Variants in RNF121 observed in about 807,000 individuals in gnomAD.
RNF121 encodes the protein ring finger protein 121.
A neutral mutation model predicts 46.5 loss-of-function variants in RNF121; 21 were observed. The observed-to-expected ratio is 0.45, with a 90% CI of 0.32 to 0.65. The LOEUF is 0.65. Among genes scored for constraint, RNF121 ranks in the 30% least tolerant of loss-of-function variants. RNF121 has a pLI of 0.04. For missense variants in RNF121, 346 were observed against 416.0 expected (o/e 0.83, Z 1.46); for synonymous variants, 139 against 144.7 (o/e 0.96, Z 0.28).
In RNF121 at chr11:71,929,084, A is replaced by C; in HGVS notation, c.23A>C (p.Glu8Ala). MAAVVEVEVGGGAAGERE... is the reference protein window; with the variant it reads MAAVVEVAVGGGAAGERE... ...AAGATGGCGGCAGTGGTGGAGGTGG[A>C]GGTTGGAGGTGGTGCTGCTGGGGAA... The change falls in exon 1 of 9, where the codon GAG becomes GCG. Residue 8 changes from glutamate (E) to alanine (A), a missense_variant. Physicochemically the swap from Glu to Ala is moderately radical, Grantham distance 107. Coordinates refer to ENST00000361756, the MANE Select transcript of RNF121 (RefSeq NM_018320.5). 6.4e-7 allele frequency: 1 copy of C among 1,551,156 alleles called. No homozygotes were observed. The highest frequency in any genetic ancestry group is 8.7e-7 in the Non-Finnish European group (1 of 1,146,950).
At chr11:71,993,112 T>G (rs1405786937) in intron 6 of RNF121, among the ~76,000 whole-genome samples, 1 of 152,196 alleles carries the variant, frequency 6.6e-6, no homozygotes, top group African/African-American at 2.4e-5. Flanking sequence ...TTATTGACAG[T>G]TTATTAGGTT....
At chr11:71,963,262 G>A (rs1270069357) in intron 3 of RNF121, among the ~76,000 whole-genome samples, 1 of 152,044 alleles carries the variant, frequency 6.6e-6, no homozygotes, top group Non-Finnish European at 1.5e-5. Context: ...TGCTTTTAGT[G>A]TCATATCTAA....
At chr11:71,939,898 CCAT>C (rs1953524993) in intron 1 of RNF121, among the ~76,000 whole-genome samples, 1 of 152,064 alleles carries the variant, frequency 6.6e-6, no homozygotes, top group South Asian at 2.1e-4. Context: ...GGAGAGGAAC[CCAT>C]CAAGTGATAA....
chr11:71,967,881 T>A (rs1417267890), intron 3 of RNF121, among the ~76,000 whole-genome samples: 1 of 152,218 alleles, frequency 6.6e-6, no homozygotes, highest in East Asian at 1.9e-4. Context: ...TATGATATAT[T>A]TGGTACATTT....
chr11:71,931,184 TTTC>T (rs1441995072), intron 1 of RNF121, among the ~76,000 whole-genome samples: 1 of 152,216 alleles, frequency 6.6e-6, no homozygotes, highest in Non-Finnish European at 1.5e-5. Context: ...TTTCTTAGCT[TTTC>T]TTTATTGCTT....
intron 1 of RNF121, among the ~76,000 whole-genome samples, chr11:71,946,898 C>G (rs1216068223): frequency 8.8e-6 from 1 of 114,038 alleles, no homozygotes; most frequent in Non-Finnish European, 1.7e-5. Context: ...GAGACAGTAT[C>G]GCTCTGTCAC....
At chr11:71,954,070 CA>C (rs1953937392) in intron 1 of RNF121, among the ~76,000 whole-genome samples, 1 of 152,162 alleles carries the variant, frequency 6.6e-6, no homozygotes, top group South Asian at 2.1e-4. Flanking sequence ...GCTCATGAAT[CA>C]GTAAGTATCC....
At chr11:71,934,757 A>C (rs7106748) in intron 1 of RNF121, among the ~76,000 whole-genome samples, 134,980 of 151,946 alleles carry the variant, frequency 0.89, 60,208 homozygotes, top group Non-Finnish European at 0.94. Context: ...CAGTGGGTTC[A>C]TATTCTAGAC....
intron 1 of RNF121, chr11:71,939,159 C>T (rs989639416): frequency 4.5e-5 from 7 of 155,954 alleles, no homozygotes; most frequent in Non-Finnish European, 1.0e-4. Flanking sequence ...CCACCTTGGA[C>T]TCCCAAAGTG....
At chr11:71,954,183 G>A (rs1953939487) in intron 1 of RNF121, among the ~76,000 whole-genome samples, 1 of 152,182 alleles carries the variant, frequency 6.6e-6, no homozygotes, top group African/African-American at 2.4e-5. Context: ...CTTAATGAGG[G>A]AGCAAATGAA....
intron 1 of RNF121, among the ~76,000 whole-genome samples, chr11:71,941,268 G>C (rs1427877860): frequency 6.6e-6 from 1 of 152,236 alleles, no homozygotes; most frequent in African/African-American, 2.4e-5. Flanking sequence ...CAGTAGGGTA[G>C]AGAGAAGTGA....
intron 3 of RNF121, among the ~76,000 whole-genome samples, chr11:71,963,509 A>C (rs541639303): frequency 6.6e-6 from 1 of 152,216 alleles, no homozygotes; most frequent in Admixed American, 6.5e-5. Flanking sequence ...AATCCCAGCT[A>C]CTCGGAAGGC....
intron 5 of RNF121, among the ~76,000 whole-genome samples, chr11:71,989,824 A>G (rs1954833227): frequency 6.6e-6 from 1 of 152,212 alleles, no homozygotes; most frequent in African/African-American, 2.4e-5. Flanking sequence ...AGTAACTGCT[A>G]TATATTAATA....
At chr11:71,946,867 C>T (rs866939456) in intron 1 of RNF121, among the ~76,000 whole-genome samples, 47 of 98,378 alleles carry the variant, frequency 4.8e-4, no homozygotes, top group African/African-American at 7.0e-4. Context: ...TGCTCTGGCT[C>T]TTTTTTTTTT....
chr11:71,969,175 C>A (rs927923007), intron 3 of RNF121, among the ~76,000 whole-genome samples: 1 of 152,062 alleles, frequency 6.6e-6, no homozygotes. Flanking sequence ...ACGTGAGCCA[C>A]CGTGCCTGGC....
intron 3 of RNF121, among the ~76,000 whole-genome samples, chr11:71,975,943 T>C (rs573221613): frequency 6.6e-6 from 1 of 152,344 alleles, no homozygotes; most frequent in South Asian, 2.1e-4. Context: ...TGGTAAGGAT[T>C]ACTATGTGTA....
chr11:71,954,424 G>A (rs79316353), intron 1 of RNF121, among the ~76,000 whole-genome samples: 3,531 of 152,180 alleles, frequency 0.023, 144 homozygotes, highest in African/African-American at 0.08. Context: ...TTGCCCTTCC[G>A]AGCTGCCTTC....
chr11:71,992,673 A>G (rs1590817206), intron 6 of RNF121, among the ~76,000 whole-genome samples: 1 of 152,236 alleles, frequency 6.6e-6, no homozygotes, highest in South Asian at 2.1e-4. Context: ...CAAAGGAAAT[A>G]TAGGTTTCAA....
chr11:71,956,946 C>G (rs997282955), intron 1 of RNF121, among the ~76,000 whole-genome samples: 6 of 152,202 alleles, frequency 3.9e-5, no homozygotes, highest in African/African-American at 1.2e-4. Context: ...GTCTTTCTCA[C>G]TAGTCTGTGA....
Sources: gnomAD v4.1 joint callset for allele counts (sites outside exome capture counted in the v4.1 genomes callset) on GRCh38, gnomAD v4.1.1 for gene constraint, MANE v1.5 for transcripts, NCBI Gene and HGNC (gene_info 2026-07-23, HGNC 2026-07-21) for gene names.